ZC3H13: variants seen among roughly 807,000 people sequenced by gnomAD.
ZC3H13 encodes zinc finger CCCH-type containing 13, also known as zinc finger CCCH domain-containing protein 13.
In ZC3H13, 64 loss-of-function variants were observed where a neutral mutation model predicts 204.1. That is an observed-to-expected ratio of 0.31 (90% CI 0.26 to 0.39). ZC3H13 has a LOEUF of 0.39. Ranked by LOEUF, ZC3H13 falls within the 10% of genes least tolerant of loss-of-function variation. ZC3H13 has a pLI of 1.00. For synonymous variants in ZC3H13, 667 were observed against 693.7 expected, an observed-to-expected ratio of 0.96 and a Z score of 0.60; for missense variants, 1,833 against 2,082.7, an observed-to-expected ratio of 0.88 and a Z score of 2.33.
chr13:45,977,684 G>A (rs1953173335), intron 11 of ZC3H13, among the ~76,000 whole-genome samples: 1 of 152,048 alleles, frequency 6.6e-6, no homozygotes, highest in African/African-American at 2.4e-5. Flanking sequence ...TGTCCCCATA[G>A]CTATAGTTAT....
intron 1 of ZC3H13, among the ~76,000 whole-genome samples, chr13:46,047,618 AG>A (rs1407345039): frequency 2.3e-4 from 2 of 8,628 alleles, no homozygotes; most frequent in African/African-American, 2.3e-3. Context: ...CTGAAAGCTA[AG>A]AGAAGTGGAG....
chr13:46,021,850 CCAAA>C (rs376201603), intron 4 of ZC3H13, among the ~76,000 whole-genome samples: 163 of 151,912 alleles, frequency 1.1e-3, no homozygotes, highest in African/African-American at 3.6e-3. Flanking sequence ...ATCCTACATC[CCAAA>C]CAATTTTTGA....
chr13:45,973,571 T>A (rs1353523378), intron 12 of ZC3H13, among the ~76,000 whole-genome samples: 1 of 152,180 alleles, frequency 6.6e-6, no homozygotes, highest in Non-Finnish European at 1.5e-5. Flanking sequence ...ATCCTTCATG[T>A]GAAAATCTGA....
At chr13:45,983,415 T>TATATATATATATATATATATATATATA (rs1212615990) in intron 10 of ZC3H13, among the ~76,000 whole-genome samples, 1 of 10,982 alleles carries the variant, frequency 9.1e-5, no homozygotes, top group African/African-American at 5.8e-4. Context: ...ATATATATAT[T>TATATATATATATATATATATATATATA]TTTTTTTTTT....
intron 9 of ZC3H13, 59 bp downstream of exon 9, chr13:45,988,728 A>G: frequency 6.5e-7 from 1 of 1,528,564 alleles, no homozygotes; most frequent in Non-Finnish European, 8.8e-7. Flanking sequence ...ATCTCTTAGT[A>G]CAACAATAAA....
chr13:45,969,225 C>T lies in ZC3H13; in HGVS notation c.3319G>A (p.Val1107Met), dbSNP rs35676798. The change falls in exon 14 of 19, where the codon GTG becomes ATG. Residue 1107 changes from valine to methionine, a missense_variant. Val to Met is a conservative substitution (Grantham distance 21). Coordinates refer to ENST00000679008, the MANE Select transcript of ZC3H13 (RefSeq NM_001330564.2). The stretch of plus-strand genomic sequence containing the variant: ...ACAGTTGTAGCAGTGGCAGTAGCCA[C>T]AGGCGGTGGAGGAGGAAGAAGAGAA... ...LSSLLPPPPP[V>M]ATATATTVPA... 1.8e-4 allele frequency: 296 copies of T among 1,613,898 alleles called. No individual in the cohort carries two copies. Among genetic ancestry groups the T allele is most frequent in the Non-Finnish European group, 1.6e-4 (188 of 1,179,968 alleles).
intron 12 of ZC3H13, among the ~76,000 whole-genome samples, chr13:45,974,354 G>A (rs1295243055): frequency 1.3e-5 from 2 of 152,260 alleles, no homozygotes; most frequent in South Asian, 2.1e-4. Context: ...CCATCATATG[G>A]AGAAAACCTT....
chr13:45,961,171 A>C (rs1157877165), intron 17 of ZC3H13, among the ~76,000 whole-genome samples: 1 of 152,164 alleles, frequency 6.6e-6, no homozygotes, highest in Non-Finnish European at 1.5e-5. Context: ...TGTTTGTACC[A>C]ACCAATGATA....
Position 45,963,854 on chromosome 13 carries a change from C to T in ZC3H13, c.4663G>A (p.Glu1555Lys). Residue 1555 changes from glutamate to lysine, a missense_variant, in exon 17 of 19, where the codon GAA (glutamate) becomes AAA (lysine). Coordinates refer to ENST00000679008, the MANE Select transcript of ZC3H13 (RefSeq NM_001330564.2). ...KVKETCQRLL[E>K]KPKDADNLFE... ...AAAATGAAACTACCTTTGGGTTTTT[C>T]TAAAAGTCTCTGACATGTTTCTTTG... is the stretch of plus-strand genomic sequence containing the variant. 1 of 1,613,866 alleles carries T rather than the reference C, an allele frequency of 6.2e-7. No homozygotes were observed. The highest frequency in any genetic ancestry group is 8.5e-7 in the Non-Finnish European group (1 of 1,179,910).
In ZC3H13 at chr13:45,959,549, T is replaced by G. The variant is rs1593433622; in HGVS notation, c.4773A>C (p.Pro1591=). 6.5e-7 allele frequency: 1 copy of G among 1,549,076 alleles called. No individual in the cohort carries two copies. Among genetic ancestry groups the G allele is most frequent in the Non-Finnish European group, 8.7e-7 (1 of 1,146,344 alleles). ...GTCTGAAGCACAACGCCTTACAACA[T>G]GGGCCAAGATTACTAAGAAGACTTG... ...ERASLLSNLG[P]CCKALCFRRD... Residue 1591 remains proline (P), a synonymous_variant, in exon 18 of 19, where the codon CCA becomes CCC. Transcript: ENST00000679008.
At chr13:46,052,272 G>A (rs1313611715) in intron 1 of ZC3H13, 132 bp downstream of exon 1, 2 of 355,888 alleles carry the variant, frequency 5.6e-6, no homozygotes, top group Non-Finnish European at 1.0e-5. Context: ...CAGAGTTAAG[G>A]GTGGGATGCT....
At chr13:46,026,500 T>A (rs2042553246) in intron 4 of ZC3H13, among the ~76,000 whole-genome samples, 1 of 151,870 alleles carries the variant, frequency 6.6e-6, no homozygotes, top group Non-Finnish European at 1.5e-5. Flanking sequence ...AACCAAGAAC[T>A]AGAAAATACA....
At chr13:46,022,602 A>G (rs376145293) in intron 4 of ZC3H13, among the ~76,000 whole-genome samples, 2 of 152,128 alleles carry the variant, frequency 1.3e-5, no homozygotes, top group South Asian at 4.1e-4. Flanking sequence ...AGTATAACCT[A>G]CTGATTACTA....
intron 7 of ZC3H13, among the ~76,000 whole-genome samples, chr13:46,008,121 C>CA (rs1228841646): frequency 6.6e-6 from 1 of 151,094 alleles, no homozygotes; most frequent in African/African-American, 2.4e-5. Flanking sequence ...CTAGTAAGAC[C>CA]ACCAAGAAAT....
At chr13:46,005,449 C>T (rs564194815) in intron 7 of ZC3H13, among the ~76,000 whole-genome samples, 24 of 152,160 alleles carry the variant, frequency 1.6e-4, no homozygotes, top group African/African-American at 5.5e-4. Flanking sequence ...ACTCATTTTG[C>T]TAATTCTAAA....
At chr13:45,976,882 G>A (rs1409592185) in intron 11 of ZC3H13, among the ~76,000 whole-genome samples, 1 of 152,152 alleles carries the variant, frequency 6.6e-6, no homozygotes, top group Non-Finnish European at 1.5e-5. Context: ...AACTCATTAA[G>A]CAGAACAATT....
At chr13:46,048,286 T>G (rs942262326) in intron 1 of ZC3H13, among the ~76,000 whole-genome samples, 5 of 152,082 alleles carry the variant, frequency 3.3e-5, no homozygotes, top group Non-Finnish European at 7.4e-5. Context: ...AAGGCAAACT[T>G]TGAAGATTTC....
intron 8 of ZC3H13, among the ~76,000 whole-genome samples, chr13:46,002,794 C>A (rs2138507943): frequency 6.6e-6 from 1 of 152,172 alleles, no homozygotes; most frequent in East Asian, 1.9e-4. Flanking sequence ...TATTTTTTGA[C>A]AGATACAGAG....
rs779581331 is a variant in ZC3H13 at position 46,020,566 on chromosome 13, G to T, written c.340-9C>A. On this transcript the variant is annotated splice_polypyrimidine_tract_variant and intron_variant, in intron 4 of 18. Transcript: ENST00000679008. ...CCTCTTGAAGATTCTTTCTAAAAAA[G>T]TACATACATACATTCAGATTACTAT... 6.5e-7 allele frequency: 1 copy of T among 1,548,520 alleles called. No individual in the cohort carries two copies. Among genetic ancestry groups the T allele is most frequent in the Non-Finnish European group, 8.9e-7 (1 of 1,129,870 alleles).
Sources: allele counts gnomAD v4.1 joint callset (sites outside exome capture counted in the v4.1 genomes callset), GRCh38; gene constraint gnomAD v4.1.1; transcripts MANE v1.5; gene names NCBI Gene and HGNC (gene_info 2026-07-23, HGNC 2026-07-21).